Variants in PAK3 observed in about 807,000 individuals in gnomAD.
PAK3 encodes p21 (RAC1) activated kinase 3.
Under a neutral mutation model 41.0 loss-of-function variants are expected in PAK3, and 4 were observed. The ratio of observed to expected loss-of-function variants is 0.10; its 90% CI spans 0.05 to 0.22. The LOEUF is 0.22. PAK3 is among the 10% of genes least tolerant of loss of function. The pLI, the probability that PAK3 is intolerant of heterozygous loss-of-function variation, is 1.00. For synonymous variants in PAK3, 146 were observed against 139.6 expected (o/e 1.05, Z -0.32); for missense variants, 205 against 409.9 (o/e 0.50, Z 4.32).
chrX:111,071,180 C>T (rs1046513414), intron 1 of PAK3, among the ~76,000 whole-genome samples: 4 of 111,788 alleles, frequency 3.6e-5, no homozygotes, highest in African/African-American at 1.3e-4. Flanking sequence ...ACAGTCTATT[C>T]CTTGCTTACA....
chrX:110,946,037 G>A (rs190945381), intron 1 of PAK3, among the ~76,000 whole-genome samples: 165 of 111,600 alleles, frequency 1.5e-3, no homozygotes, highest in Middle Eastern at 4.6e-3. Context: ...AAGATAGAGC[G>A]TGTAAACAGA....
At chrX:111,220,143 A>C (rs1265792422) in intron 17 of PAK3, among the ~76,000 whole-genome samples, 2 of 111,912 alleles carry the variant, frequency 1.8e-5, no homozygotes, top group African/African-American at 6.5e-5. Context: ...GATCCCTCAG[A>C]GTTTCTCACT....
intron 10 of PAK3, 61 bp from the exon 11 acceptor site, chrX:111,172,957 T>C: frequency 2.0e-6 from 1 of 510,307 alleles, no homozygotes; most frequent in Admixed American, 2.8e-5. Context: ...TTTCTATTTC[T>C]CTCTCTCTCT....
intron 11 of PAK3, among the ~76,000 whole-genome samples, chrX:111,182,171 T>G (rs2094469015): frequency 9.0e-6 from 1 of 111,283 alleles, no homozygotes; most frequent in Admixed American, 9.6e-5. Context: ...TGTCCAGGCC[T>G]CTTGAATCCA....
At chrX:111,184,013 CTATGTTA>C (rs1485001984) in intron 11 of PAK3, among the ~76,000 whole-genome samples, 2 of 111,566 alleles carry the variant, frequency 1.8e-5, no homozygotes, top group East Asian at 5.7e-4. Context: ...TACTTACTTG[CTATGTTA>C]TCATGGGCCT....
At chrX:111,053,632 G>A (rs1301108923) in intron 1 of PAK3, among the ~76,000 whole-genome samples, 1 of 110,803 alleles carries the variant, frequency 9.0e-6, no homozygotes, top group African/African-American at 3.3e-5. Flanking sequence ...CATACAGTGG[G>A]GTAGCTGTCT....
intron 4 of PAK3, among the ~76,000 whole-genome samples, chrX:111,116,827 A>G (rs2093472894): frequency 8.9e-6 from 1 of 112,450 alleles, no homozygotes; most frequent in Non-Finnish European, 1.9e-5. Context: ...GCTATCTCTT[A>G]CATGATCTAA....
intron 1 of PAK3, among the ~76,000 whole-genome samples, chrX:110,961,980 A>G (rs1330408187): frequency 8.9e-6 from 1 of 111,881 alleles, no homozygotes; most frequent in East Asian, 2.8e-4. Context: ...CAGCTTCTTG[A>G]GTTCTTCTTC....
At position 111,043,115 on chromosome X, in the gene PAK3, C is replaced by G. The variant is rs138752898; in HGVS notation, c.-27-79962C>G. ...GACTAGCCTGGGCAACATAGCAACA[C>G]CCTGTCTCTACAAAAAAAAATGTAA... On this transcript the variant is annotated intron_variant, in intron 1 of 14. Coordinates refer to the PAK3 transcript ENST00000425146. Among the ~76,000 whole-genome samples, 695 of 109,741 alleles carry G rather than the reference C, an allele frequency of 6.3e-3. 8 individuals are homozygous for G. The highest frequency in any genetic ancestry group is 0.022 in the African/African-American group (668 of 29,779).
chrX:111,008,490 C>A (rs371496284), intron 1 of PAK3, among the ~76,000 whole-genome samples: 1 of 112,836 alleles, frequency 8.9e-6, no homozygotes, highest in East Asian at 2.8e-4. Context: ...AGGGCGGAGG[C>A]CCTATCCTTT....
chrX:111,160,674 T>A lies in PAK3; in HGVS notation c.469-2241T>A, dbSNP rs755012315. 2.0e-3 allele frequency among the ~76,000 whole-genome samples: 225 copies of A among 110,373 alleles called. 2 individuals are homozygous for A. The highest frequency in any genetic ancestry group is 7.0e-3 in the African/African-American group (213 of 30,224). ...ATGTTCCCCTTCCTGTGTCCATGTG[T>A]TCTCATTGTTCAATTCCCACCTATG... On this transcript the variant is annotated intron_variant, in intron 8 of 17. Transcript: ENST00000372007.
chrX:111,029,721 T>C (rs774944756), intron 1 of PAK3, among the ~76,000 whole-genome samples: 1 of 112,110 alleles, frequency 8.9e-6, no homozygotes, highest in East Asian at 2.8e-4. Flanking sequence ...GTCTTGACTT[T>C]TCTCTGCTTC....
intron 1 of PAK3, among the ~76,000 whole-genome samples, chrX:111,063,417 G>A (rs987733917): frequency 9.1e-6 from 1 of 110,400 alleles, no homozygotes; most frequent in African/African-American, 3.4e-5. Flanking sequence ...TGCTCAGAGA[G>A]TGACAGGGAA....
At chrX:110,949,690 C>T (rs1213497725) in intron 1 of PAK3, among the ~76,000 whole-genome samples, 1 of 111,080 alleles carries the variant, frequency 9.0e-6, no homozygotes, top group Admixed American at 9.6e-5. Context: ...GCCAAATAGA[C>T]AGGGGACAGG....
chrX:111,200,077 T>C, intron 16 of PAK3, among the ~76,000 whole-genome samples: 1 of 111,099 alleles, frequency 9.0e-6, no homozygotes, highest in Non-Finnish European at 1.9e-5. Context: ...AGGCATCTTG[T>C]ATACTGCCTG....
intron 1 of PAK3, among the ~76,000 whole-genome samples, chrX:111,046,922 C>G (rs1025502005): frequency 8.9e-6 from 1 of 111,742 alleles, no homozygotes; most frequent in Non-Finnish European, 1.9e-5. Flanking sequence ...ACATAGCTCT[C>G]TGCATGCCAG....
chrX:110,997,551 A>T lies in PAK3; in HGVS notation c.-28+52923A>T, dbSNP rs185512538. Among the ~76,000 whole-genome samples the T allele has an allele frequency of 1.4e-4, 16 of 111,900 alleles. No homozygotes were observed. In the East Asian group the frequency reaches 4.5e-3, roughly 32 times the overall value. ...CTATAAATAGGACATGAGATAAAGT[A>T]CCCAGTCAAGGATGATGCCATGGTT... On this transcript the variant is annotated intron_variant, in intron 1 of 14. Coordinates refer to the PAK3 transcript ENST00000425146.
intron 1 of PAK3, among the ~76,000 whole-genome samples, chrX:110,948,529 T>C (rs1164674142): frequency 2.7e-5 from 3 of 112,092 alleles, no homozygotes; most frequent in Non-Finnish European, 5.6e-5. Flanking sequence ...GGAAATAGCA[T>C]TCATGTGACT....
intron 5 of PAK3, among the ~76,000 whole-genome samples, chrX:111,138,511 G>T (rs1052946497): frequency 9.0e-6 from 1 of 111,403 alleles, no homozygotes; most frequent in African/African-American, 3.3e-5. Flanking sequence ...TGTCTGCAGA[G>T]GGGAGATAGG....
Sources: gnomAD v4.1 joint callset for allele counts (sites outside exome capture counted in the v4.1 genomes callset) on GRCh38, gnomAD v4.1.1 for gene constraint, MANE v1.5 for transcripts, NCBI Gene and HGNC (gene_info 2026-07-23, HGNC 2026-07-21) for gene names.